CDC34: variants seen among roughly 807,000 people sequenced by gnomAD.
The protein encoded by CDC34 is cell division cycle 34, ubiquitin conjugating enzyme.
Under a neutral mutation model 26.8 loss-of-function variants are expected in CDC34, and 18 were observed. That is an observed-to-expected ratio of 0.67 (90% CI 0.47 to 1.00). The LOEUF is 1.00. Ranked by LOEUF, CDC34 falls within the 50% of genes least tolerant of loss-of-function variation. The pLI is 0.00. For synonymous variants in CDC34, 178 were observed against 147.5 expected (o/e 1.21, Z -1.50); for missense variants, 280 against 334.5 (o/e 0.84, Z 1.27).
intron 4 of CDC34, among the ~76,000 whole-genome samples, chr19:537,734 C>T (rs1979827793): frequency 6.9e-6 from 1 of 145,356 alleles, no homozygotes; most frequent in Non-Finnish European, 1.5e-5. Flanking sequence ...CGGCTCACTG[C>T]AGCCTCCACT....
At chr19:541,219 C>T in intron 4 of CDC34, 120 bp from the exon 5 acceptor site, 1 of 1,313,592 alleles carries the variant, frequency 7.6e-7, no homozygotes, top group Non-Finnish European at 1.0e-6. Context: ...AAGTGGTCGC[C>T]ACACGCCGTT....
Position 531,937 on chromosome 19 carries a change from T to C in CDC34, c.6T>C (p.Ala2=). 2 of 1,436,980 alleles carry C rather than the reference T, an allele frequency of 1.4e-6. No individual in the cohort carries two copies. Among genetic ancestry groups the C allele is most frequent in the Non-Finnish European group, 1.8e-6 (2 of 1,098,968 alleles). 89.0% of individuals were successfully genotyped at this position (1,436,980 alleles called of 1,614,324 possible). ...CGGGCCCCTCCGCCGCCGCCATGGC[T>C]CGGCCGCTAGTGCCCAGCTCGCAGA... M[A]RPLVPSSQKA... is the part of the protein sequence containing the mutation. The change falls in exon 1 of 5, where the codon GCT becomes GCC. Residue 2 remains alanine, a synonymous_variant. Coordinates refer to ENST00000215574, the MANE Select transcript of CDC34 (RefSeq NM_004359.2).
rs202229553 is a variant in CDC34, at chr19:535,930, G to A, written c.264+7G>A. ...GCACCCTAACATCTACGAGGTGAGC[G>A]CGGCCCCCACGGGCCTCAAGTCCTC... On this transcript the variant is annotated splice_region_variant and intron_variant, in intron 2 of 4. Coordinates refer to ENST00000215574, the MANE Select transcript of CDC34 (RefSeq NM_004359.2). The A allele has an allele frequency of 1.8e-5, 29 of 1,612,456 alleles. No individual in the cohort carries two copies. The African/African-American group carries it at 2.0e-4, about 11-fold the overall frequency.
At position 535,690 on chromosome 19, in the gene CDC34, A is replaced by G. The variant is rs991554806; in HGVS notation, c.178-147A>G. 6.4e-5 allele frequency: 46 copies of G among 714,582 alleles called. No homozygotes were observed. The South Asian group carries it at 6.7e-4, about 10-fold the overall frequency. The allele number at this position is 714,582 out of a possible 1,614,324, so 44.3% of individuals were successfully genotyped here. On this transcript the variant is annotated intron_variant, in intron 1 of 4. Transcript: ENST00000215574. ...CTGGGGACTTGACCCCAGGCCTGTG[A>G]GAGTCCCTGCCTTGGGCAGGATACG...
chr19:536,123 G>C, intron 2 of CDC34, 120 bp from the exon 3 acceptor site: 1 of 881,366 alleles, frequency 1.1e-6, no homozygotes, highest in East Asian at 2.7e-5. Context: ...CGTCCTTCCG[G>C]GACCCGGGGC....
intron 1 of CDC34, among the ~76,000 whole-genome samples, chr19:535,134 G>A (rs1261958886): frequency 6.6e-6 from 1 of 152,234 alleles, no homozygotes; most frequent in African/African-American, 2.4e-5. Context: ...CTGGCACGTG[G>A]CTTCAGGCCT....
intron 1 of CDC34, among the ~76,000 whole-genome samples, chr19:535,241 G>C (rs1383394448): frequency 6.6e-6 from 1 of 152,232 alleles, no homozygotes; most frequent in African/African-American, 2.4e-5. Context: ...CCAGGTTTCT[G>C]TGACCTATGG....
At position 538,185 on chromosome 19, in the gene CDC34, C is replaced by T. The variant is rs565812139; in HGVS notation, c.497+1038C>T. 9.4e-4 allele frequency among the ~76,000 whole-genome samples: 143 copies of T among 152,326 alleles called. 1 individual carries two copies. Among genetic ancestry groups the T allele is most frequent in the African/African-American group, 3.3e-3 (139 of 41,566 alleles). On this transcript the variant is annotated intron_variant, in intron 4 of 4. Transcript: ENST00000215574. ...AAAATGGGGTCGTGCTGTGTGTGCC[C>T]AGTGACTGACTGTTAGTCAGGGGTG...
Position 541,391 on chromosome 19 carries a change from C to G in CDC34, c.550C>G (p.Pro184Ala). The change falls in exon 5 of 5, where the codon CCC (proline) becomes GCC (alanine). Residue 184 changes from proline (P) to alanine (A), a missense_variant. Transcript: ENST00000215574. ...VDAERDGVKV[P>A]TTLAEYCVKT... ...CGCGGAGCGTGACGGCGTGAAGGTG[C>G]CCACCACGCTGGCCGAGTACTGCGT... is the stretch of plus-strand genomic sequence containing the variant. 1 of 1,610,284 alleles carries G rather than the reference C, an allele frequency of 6.2e-7. No individual in the cohort carries two copies. The highest frequency in any genetic ancestry group is 8.5e-7 in the Non-Finnish European group (1 of 1,179,252).
At chr19:535,278 G>A (rs775226938) in intron 1 of CDC34, among the ~76,000 whole-genome samples, 29 of 152,214 alleles carry the variant, frequency 1.9e-4, no homozygotes, top group Admixed American at 3.9e-4. Flanking sequence ...CCCCAAGACC[G>A]GACACCTGAG....
At chr19:535,742 C>T (rs1979708207) in intron 1 of CDC34, 95 bp from the exon 2 acceptor site, 5 of 926,246 alleles carry the variant, frequency 5.4e-6, no homozygotes, top group Non-Finnish European at 8.8e-6. Flanking sequence ...CCCTCAGGCA[C>T]CAGCACTGGG....
In CDC34 at chr19:537,097, G is replaced by A; in HGVS notation, c.447G>A (p.Arg149=). ...PANVDASVMY[R]KWKESKGKDR... The stretch of plus-strand genomic sequence containing the variant: ...ACGTGGACGCCTCCGTGATGTACAG[G>A]AAGTGGAAAGAGAGCAAGGGGAAGG... Residue 149 remains arginine, a synonymous_variant, in exon 4 of 5, where the codon AGG becomes AGA. Coordinates refer to ENST00000215574, the MANE Select transcript of CDC34 (RefSeq NM_004359.2). 1.2e-6 allele frequency: 2 copies of A among 1,613,882 alleles called. No individual in the cohort carries two copies. Among genetic ancestry groups the A allele is most frequent in the Middle Eastern group, 1.7e-4 (1 of 6,060 alleles).
In CDC34 at chr19:541,629, G is replaced by A. The variant is rs1392986637; in HGVS notation, c.*77G>A. On this transcript the variant is annotated 3_prime_UTR_variant, in exon 5 of 5. Transcript: ENST00000215574. ...CTCCTTAGACGACAGACTACCTCAC[G>A]GAGGTTTTGTGCTGGTCCCCGTCTC... 41 of 1,448,010 alleles carry A rather than the reference G, an allele frequency of 2.8e-5. No individual in the cohort carries two copies. Among genetic ancestry groups the A allele is most frequent in the African/African-American group, 4.3e-5 (3 of 70,230 alleles). 89.7% of individuals were successfully genotyped at this position (1,448,010 alleles called of 1,614,324 possible).
rs746373006 is a variant in CDC34, at chr19:541,594, G to T, written c.*42G>T. Reference sequence around the variant, plus strand: ...TTGCCGAGTTTACCTCACTAGGGCCGGACCCGTGGCTCCTTAGACGACAGA... The same window carrying T: ...TTGCCGAGTTTACCTCACTAGGGCCTGACCCGTGGCTCCTTAGACGACAGA... On this transcript the variant is annotated 3_prime_UTR_variant, in exon 5 of 5. Transcript: ENST00000215574. The T allele has an allele frequency of 1.3e-6, 2 of 1,520,092 alleles. No individual in the cohort carries two copies. The highest frequency in any genetic ancestry group is 4.2e-5 in the Admixed American group (2 of 47,244). The allele number at this position is 1,520,092 out of a possible 1,614,324, so 94.2% of individuals were successfully genotyped here. A position where few individuals can be genotyped will look rare whatever the true frequency, so the allele number is the denominator to read the frequency against.
Position 536,128 on chromosome 19 carries a change from C to T in CDC34, c.265-115C>T, listed in dbSNP as rs75476778. The stretch of plus-strand genomic sequence containing the variant: ...CTCATGTCCTCGTCCTTCCGGGACC[C>T]GGGGCGCTGGGAGCCTCACGTCCTC... On this transcript the variant is annotated intron_variant, in intron 2 of 4. Coordinates refer to ENST00000215574, the MANE Select transcript of CDC34 (RefSeq NM_004359.2). 8.8e-3 allele frequency: 5,704 copies of T among 648,548 alleles called. 121 individuals are homozygous for T. Among genetic ancestry groups the T allele is most frequent in the African/African-American group, 0.063 (3,564 of 56,440 alleles). 40.2% of individuals were successfully genotyped at this position (648,548 alleles called of 1,614,324 possible).
chr19:536,400 G>T, intron 3 of CDC34, 60 bp downstream of exon 3: 1 of 1,295,150 alleles, frequency 7.7e-7, no homozygotes. Flanking sequence ...GCTCCGTCCC[G>T]TATCCACCCA....
rs774565109 is a variant in CDC34, at chr19:535,841, G to A, written c.182G>A (p.Arg61His). Reference sequence around the variant, plus strand: ...ACCTGCCTTCTGCCCCTGCAGGCGCGCCTCAAGTTCCCCATCGACTACCCA... The same window carrying A: ...ACCTGCCTTCTGCCCCTGCAGGCGCACCTCAAGTTCCCCATCGACTACCCA... The part of the protein sequence containing the change: ...TYYEGGYFKA[R>H]LKFPIDYPYS... The change falls in exon 2 of 5, where the codon CGC becomes CAC. Residue 61 changes from arginine (R) to histidine (H), a missense_variant. Arg to His is a conservative substitution (Grantham distance 29). Transcript: ENST00000215574. The A allele has an allele frequency of 6.8e-6, 11 of 1,613,354 alleles. No homozygotes were observed. Among genetic ancestry groups the A allele is most frequent in the South Asian group, 3.3e-5 (3 of 91,080 alleles).
At chr19:533,303 G>C (rs1366531537) in intron 1 of CDC34, among the ~76,000 whole-genome samples, 1 of 152,172 alleles carries the variant, frequency 6.6e-6, no homozygotes, top group African/African-American at 2.4e-5. Flanking sequence ...GCTCTGCCCC[G>C]GCCAGCTGCG....
chr19:536,469 C>G, intron 3 of CDC34, 129 bp downstream of exon 3: 3 of 709,640 alleles, frequency 4.2e-6, no homozygotes, highest in Non-Finnish European at 4.7e-6. Context: ...GATTCGGGAC[C>G]TGCCAGCTGG....
Sources: gnomAD v4.1 joint callset for allele counts (sites outside exome capture counted in the v4.1 genomes callset) on GRCh38, gnomAD v4.1.1 for gene constraint, MANE v1.5 for transcripts, NCBI Gene and HGNC (gene_info 2026-07-23, HGNC 2026-07-21) for gene names.